Variants in ADGRV1 observed in about 807,000 individuals in gnomAD.
ADGRV1 encodes the protein adhesion G protein-coupled receptor V1, also known as G-protein coupled receptor 98.
A neutral mutation model predicts 596.2 loss-of-function variants in ADGRV1; 359 were observed. The observed-to-expected ratio is 0.60, with a 90% CI of 0.55 to 0.66. The LOEUF (loss-of-function observed/expected upper bound fraction) is 0.66, where lower values mean the gene tolerates loss of function less well. Ranked by LOEUF, ADGRV1 falls within the 30% of genes least tolerant of loss-of-function variation. The pLI is 0.00. For missense variants in ADGRV1, 7,274 were observed against 7,575.6 expected (o/e 0.96, Z 1.48); for synonymous variants, 2,681 against 2,679.2 (o/e 1.00, Z -0.02).
At chr5:90,941,430 G>T (rs941832994) in intron 83 of ADGRV1, among the ~76,000 whole-genome samples, 2 of 152,170 alleles carry the variant, frequency 1.3e-5, no homozygotes, top group Non-Finnish European at 2.9e-5. Context: ...AATTGAGTGG[G>T]CAAGAAGGTG....
intron 11 of ADGRV1, chr5:90,640,679 A>T (rs574306825): frequency 3.3e-5 from 5 of 152,746 alleles, no homozygotes; most frequent in African/African-American, 9.6e-5. Context: ...CAGAGTTCCC[A>T]TAAAACGCAC....
At position 90,665,687 on chromosome 5, in the gene ADGRV1, T is replaced by A. The variant is rs1771222516; in HGVS notation, c.4753-6859T>A. Among the ~76,000 whole-genome samples, 8 of 149,776 alleles carry A rather than the reference T, an allele frequency of 5.3e-5. No homozygotes were observed. In the Admixed American group the frequency reaches 5.4e-4, roughly 10 times the overall value. ...AATGTGTTTGCTCTTGCTTTTCTAG[T>A]CCTTTTAATTGTGATGTTAGGGTGT... On this transcript the variant is annotated intron_variant, in intron 21 of 89. Transcript: ENST00000405460.
At chr5:90,967,895 A>G (rs1460013292) in intron 84 of ADGRV1, among the ~76,000 whole-genome samples, 2 of 152,182 alleles carry the variant, frequency 1.3e-5, no homozygotes. Context: ...AAAACAACAC[A>G]CACCTAGGTT....
At position 90,716,374 on chromosome 5, in the gene ADGRV1, T is replaced by C. The variant is rs1750111182; in HGVS notation, c.9185-93T>C. On this transcript the variant is annotated intron_variant, in intron 42 of 89. Transcript: ENST00000405460. ...TAAGACAATCACCTTAGGTAAAGAG[T>C]TGGCCTAGTTTTCAATTAGACATCC... is the stretch of plus-strand genomic sequence containing the variant. 7 of 807,072 alleles carry C rather than the reference T, an allele frequency of 8.7e-6. No individual in the cohort carries two copies. The Middle Eastern group carries it at 7.4e-4, about 85-fold the overall frequency. The allele number at this position is 807,072 out of a possible 1,614,324, so 50.0% of individuals were successfully genotyped here. A position where few individuals can be genotyped will look rare whatever the true frequency, so the allele number is the denominator to read the frequency against.
chr5:90,922,249 A>G (rs1181485980), intron 83 of ADGRV1, among the ~76,000 whole-genome samples: 1 of 152,010 alleles, frequency 6.6e-6, no homozygotes, highest in Non-Finnish European at 1.5e-5. Context: ...CTTCCAATCC[A>G]TCTCCTATGT....
At chr5:91,039,147 A>G (rs1216834135) in intron 85 of ADGRV1, among the ~76,000 whole-genome samples, 1 of 152,212 alleles carries the variant, frequency 6.6e-6, no homozygotes, top group Non-Finnish European at 1.5e-5. Flanking sequence ...TGGAGTATTT[A>G]AAACGCAGCT....
intron 6 of ADGRV1, chr5:90,626,409 A>G (rs1023184449): frequency 6.6e-6 from 1 of 152,202 alleles, no homozygotes; most frequent in East Asian, 1.9e-4. Flanking sequence ...TAAATTTGAA[A>G]GATCAATCGA....
intron 83 of ADGRV1, among the ~76,000 whole-genome samples, chr5:90,960,798 T>A (rs1236591645): frequency 6.6e-6 from 1 of 151,348 alleles, no homozygotes; most frequent in Non-Finnish European, 1.5e-5. Flanking sequence ...AAGGCAAGAG[T>A]CAAGACATGA....
intron 83 of ADGRV1, among the ~76,000 whole-genome samples, chr5:90,963,463 T>G (rs1778192748): frequency 6.6e-6 from 1 of 151,906 alleles, no homozygotes; most frequent in Non-Finnish European, 1.5e-5. Context: ...TCTAGAAAGG[T>G]GAATTTGTGG....
intron 83 of ADGRV1, among the ~76,000 whole-genome samples, chr5:90,957,513 G>A (rs1036540651): frequency 6.7e-6 from 1 of 148,776 alleles, no homozygotes; most frequent in Non-Finnish European, 1.5e-5. Context: ...TAAAAATTCT[G>A]TAGTGAGGGC....
At chr5:91,146,973 G>C (rs1795586664) in intron 87 of ADGRV1, among the ~76,000 whole-genome samples, 1 of 151,944 alleles carries the variant, frequency 6.6e-6, no homozygotes, top group Admixed American at 6.6e-5. Flanking sequence ...ACCAGCCTGG[G>C]CAACATGGCA....
intron 87 of ADGRV1, among the ~76,000 whole-genome samples, chr5:91,130,389 G>A (rs932588613): frequency 7.3e-5 from 11 of 151,554 alleles, no homozygotes; most frequent in South Asian, 2.1e-4. Flanking sequence ...AAAATTAGCC[G>A]GGCGTGGTGG....
intron 21 of ADGRV1, among the ~76,000 whole-genome samples, chr5:90,667,964 C>G (rs1184309828): frequency 3.9e-5 from 6 of 152,042 alleles, no homozygotes; most frequent in Non-Finnish European, 8.8e-5. Context: ...GCAGTCTGCC[C>G]GTTCTCAGAT....
chr5:91,148,621 G>T (rs931676603), intron 87 of ADGRV1, among the ~76,000 whole-genome samples: 1 of 152,280 alleles, frequency 6.6e-6, no homozygotes, highest in South Asian at 2.1e-4. Flanking sequence ...CTCTGGTAGG[G>T]CAATGCAGAA....
intron 83 of ADGRV1, among the ~76,000 whole-genome samples, chr5:90,871,861 G>GA (rs1179052040): frequency 2.0e-5 from 3 of 152,030 alleles, no homozygotes; most frequent in Admixed American, 1.3e-4. Context: ...AACTACAGTG[G>GA]AAAAAAAATC....
chr5:90,829,303 CT>C, intron 77 of ADGRV1, 117 bp downstream of exon 77: 1 of 908,976 alleles, frequency 1.1e-6, no homozygotes. Context: ...TCGTAATTCA[CT>C]TTTTATTCAT....
chr5:90,678,143 C>CATACATTCTCATGTCTGGTAT (rs562626113), intron 25 of ADGRV1, among the ~76,000 whole-genome samples: 94 of 152,238 alleles, frequency 6.2e-4, no homozygotes, highest in African/African-American at 2.1e-3. Flanking sequence ...TTCTGGGTGC[C>CATACATTCTCATGTCTGGTAT]ATACATTCTC....
At chr5:90,913,383 A>G (rs980793821) in intron 83 of ADGRV1, among the ~76,000 whole-genome samples, 8 of 152,232 alleles carry the variant, frequency 5.3e-5, no homozygotes, top group Admixed American at 1.3e-4. Flanking sequence ...ATCCTGTTAT[A>G]TCAATATTTA....
chr5:90,614,315 A>G (rs1241476955), intron 1 of ADGRV1: 3 of 307,014 alleles, frequency 9.8e-6, no homozygotes, highest in Admixed American at 4.9e-5. Context: ...CTTTGAAAGG[A>G]TTAGAATTTC....
Sources: allele counts gnomAD v4.1 joint callset (sites outside exome capture counted in the v4.1 genomes callset), GRCh38; gene constraint gnomAD v4.1.1; transcripts MANE v1.5; gene names NCBI Gene and HGNC (gene_info 2026-07-23, HGNC 2026-07-21).